NXPE2: variants seen among roughly 807,000 people sequenced by gnomAD.
NXPE2 encodes neurexophilin and PC-esterase domain family member 2, also known as NXPE family member 2.
A neutral mutation model predicts 34.4 loss-of-function variants in NXPE2; 34 were observed. That is an observed-to-expected ratio of 0.99 (90% CI 0.75 to 1.31). The LOEUF (loss-of-function observed/expected upper bound fraction) is 1.31. Among genes scored for constraint, NXPE2 ranks in the 40% most tolerant of loss-of-function variants. The probability of loss-of-function intolerance (pLI) is 0.00; values close to 1 mark genes in which losing one functional copy is unlikely to be tolerated. For synonymous variants in NXPE2, 235 were observed against 231.3 expected (o/e 1.02, Z -0.15); for missense variants, 649 against 672.5 (o/e 0.97, Z 0.39).
the NXPE2 span, chr11:114,571,000 C>A: frequency 6.2e-7 from 1 of 1,612,814 alleles, no homozygotes; most frequent in South Asian, 1.1e-5. Context: ...GGTGGGTGTA[C>A]ATTATTTGTG....
At chr11:114,676,775 AAGTC>A (rs1950862696), upstream of NXPE2, among the ~76,000 whole-genome samples, 2 of 152,230 alleles carry the variant, frequency 1.3e-5, no homozygotes, top group South Asian at 4.1e-4. Flanking sequence ...AAAGGAAAAG[AAGTC>A]AGTATTTAAG....
At chr11:114,633,942 T>C in the NXPE2 span, among the ~76,000 whole-genome samples, 1 of 152,072 alleles carries the variant, frequency 6.6e-6, no homozygotes, top group Non-Finnish European at 1.5e-5. Flanking sequence ...TGTGTCTTTA[T>C]AGCAGCATGA....
the NXPE2 span, among the ~76,000 whole-genome samples, chr11:114,538,736 A>C: frequency 6.6e-6 from 1 of 152,112 alleles, no homozygotes; most frequent in African/African-American, 2.4e-5. Context: ...ACAATGAGAT[A>C]CCATCTCACA....
the NXPE2 span, among the ~76,000 whole-genome samples, chr11:114,652,797 G>A: frequency 7.9e-5 from 12 of 152,308 alleles, no homozygotes; most frequent in East Asian, 2.1e-3. Context: ...TGGCATCTAT[G>A]GCACACTGGA....
chr11:114,756,048 G>A, the NXPE2 span, among the ~76,000 whole-genome samples: 1 of 152,152 alleles, frequency 6.6e-6, no homozygotes, highest in Admixed American at 6.5e-5. Flanking sequence ...ATCAGAGACA[G>A]GTCCCTCTTG....
the NXPE2 span, among the ~76,000 whole-genome samples, chr11:114,483,700 A>C: frequency 6.6e-6 from 1 of 152,322 alleles, no homozygotes; most frequent in East Asian, 1.9e-4. Flanking sequence ...TTACAGTTTA[A>C]GCGGGTATCT....
chr11:114,761,561 C>CTTT, the NXPE2 span, among the ~76,000 whole-genome samples: 1,872 of 92,784 alleles, frequency 0.02, 86 homozygotes, highest in African/African-American at 0.071. Context: ...AGCCAAGCCT[C>CTTT]TTTTTTTTTT....
At chr11:114,630,666 G>A in the NXPE2 span, among the ~76,000 whole-genome samples, 2 of 150,718 alleles carry the variant, frequency 1.3e-5, no homozygotes, top group East Asian at 3.9e-4. Context: ...AGCCAAAATT[G>A]ACAAATGGGA....
chr11:114,760,140 G>A, the NXPE2 span, among the ~76,000 whole-genome samples: 19 of 152,048 alleles, frequency 1.2e-4, no homozygotes, highest in East Asian at 3.9e-4. Context: ...AAACCTAATC[G>A]TCAATGTGAT....
the NXPE2 span, among the ~76,000 whole-genome samples, chr11:114,785,757 G>C: frequency 6.6e-6 from 1 of 152,274 alleles, no homozygotes; most frequent in Middle Eastern, 3.4e-3. Context: ...ATTCACATTT[G>C]TATCAATAAT....
At chr11:114,770,338 C>G in the NXPE2 span, among the ~76,000 whole-genome samples, 1 of 152,206 alleles carries the variant, frequency 6.6e-6, no homozygotes. Flanking sequence ...CCTCTTGCTG[C>G]ACTGTCTTTC....
chr11:114,608,207 A>C, the NXPE2 span, among the ~76,000 whole-genome samples: 1 of 151,554 alleles, frequency 6.6e-6, no homozygotes, highest in Non-Finnish European at 1.5e-5. Flanking sequence ...TACCCGGTGG[A>C]TAATACGTGT....
the NXPE2 span, among the ~76,000 whole-genome samples, chr11:114,535,646 A>T: frequency 1.3e-5 from 2 of 152,202 alleles, no homozygotes; most frequent in East Asian, 3.8e-4. Context: ...GTCTCGGATA[A>T]AACAGACTTA....
chr11:114,624,218 A>G, the NXPE2 span, among the ~76,000 whole-genome samples: 1 of 152,012 alleles, frequency 6.6e-6, no homozygotes, highest in East Asian at 1.9e-4. Context: ...TACCTGGTGG[A>G]TGACAGATGT....
chr11:114,571,361 T>A, the NXPE2 span: 1 of 1,614,018 alleles, frequency 6.2e-7, no homozygotes, highest in Non-Finnish European at 8.5e-7. Context: ...AGGTCATTGA[T>A]CCTATCAAGG....
chr11:114,502,234 T>A, the NXPE2 span, among the ~76,000 whole-genome samples: 43 of 152,276 alleles, frequency 2.8e-4, no homozygotes, highest in African/African-American at 9.4e-4. Flanking sequence ...TTATGCTGCC[T>A]GGGACTCATT....
At chr11:114,660,312 C>T in the NXPE2 span, among the ~76,000 whole-genome samples, 3 of 151,776 alleles carry the variant, frequency 2.0e-5, no homozygotes, top group Non-Finnish European at 4.4e-5. Context: ...AAAGAGATTC[C>T]AAAACCCTAA....
At chr11:114,564,478 C>G in the NXPE2 span, among the ~76,000 whole-genome samples, 1 of 152,034 alleles carries the variant, frequency 6.6e-6, no homozygotes, top group Non-Finnish European at 1.5e-5. Flanking sequence ...CATTCCCTGC[C>G]CTCATGAAAT....
At chr11:114,721,322 A>T in the NXPE2 span, among the ~76,000 whole-genome samples, 5 of 151,192 alleles carry the variant, frequency 3.3e-5, no homozygotes, top group Non-Finnish European at 5.9e-5. Flanking sequence ...GATCCTTCAG[A>T]GCAGGACCAT....
Sources: gnomAD v4.1 joint callset for allele counts (sites outside exome capture counted in the v4.1 genomes callset) on GRCh38, gnomAD v4.1.1 for gene constraint, MANE v1.5 for transcripts, NCBI Gene and HGNC (gene_info 2026-07-23, HGNC 2026-07-21) for gene names.